Variants in FUNDC2 observed in about 807,000 individuals in gnomAD.
FUNDC2 encodes FUN14 domain-containing protein 2.
FUNDC2 carries 4 observed loss-of-function variants against 15.6 expected under a neutral mutation model. The ratio of observed to expected loss-of-function variants is 0.26; its 90% CI spans 0.13 to 0.59. The LOEUF (loss-of-function observed/expected upper bound fraction) is 0.59. FUNDC2 is among the 20% of genes least tolerant of loss of function. The probability of loss-of-function intolerance (pLI) is 0.90; values close to 1 mark genes in which losing one functional copy is unlikely to be tolerated. For missense variants in FUNDC2, 98 were observed against 149.7 expected, an observed-to-expected ratio of 0.65 and a Z score of 1.80; for synonymous variants, 44 against 56.9, an observed-to-expected ratio of 0.77 and a Z score of 1.02.
rs1312558759 is a variant in FUNDC2, at chrX:155,057,880, T to G, written c.*3208T>G. The G allele has an allele frequency of 9.0e-6, 1 of 111,706 alleles. No individual in the cohort carries two copies. The highest frequency in any genetic ancestry group is 3.3e-5 in the African/African-American group (1 of 30,625). 9.2% of individuals were successfully genotyped at this position (111,706 alleles called of 1,213,427 possible). A position where few individuals can be genotyped will look rare whatever the true frequency, so the allele number is the denominator to read the frequency against. ...CCAGGGGCACTTTCTGGCCGCTGCCTGCTCGGGCTCAACAGATGGAGTCCA... is the reference window on the plus strand; with the variant it reads ...CCAGGGGCACTTTCTGGCCGCTGCCGGCTCGGGCTCAACAGATGGAGTCCA... On this transcript the variant is annotated 3_prime_UTR_variant, in exon 5 of 5. Transcript: ENST00000369498.
At chrX:155,037,961 T>A (rs782120071) in intron 2 of FUNDC2, among the ~76,000 whole-genome samples, 4 of 110,640 alleles carry the variant, frequency 3.6e-5, no homozygotes, top group Non-Finnish European at 5.7e-5. Flanking sequence ...GTGCAGTGGC[T>A]CACACCTTTA....
chrX:155,033,923 AGAT>A (rs2073823541), intron 2 of FUNDC2, among the ~76,000 whole-genome samples: 1 of 112,680 alleles, frequency 8.9e-6, no homozygotes, highest in African/African-American at 3.2e-5. Context: ...TAGCTATGTC[AGAT>A]GATAACTTAA....
At chrX:155,042,063 C>T (rs1458581100) in intron 2 of FUNDC2, among the ~76,000 whole-genome samples, 12 of 79,340 alleles carry the variant, frequency 1.5e-4, no homozygotes, top group East Asian at 1.1e-3. Flanking sequence ...AGCGAGACTC[C>T]GTCTCAAAAA....
chrX:155,027,167 T>TC (rs1333407865), intron 1 of FUNDC2, 96 bp downstream of exon 1: 1 of 915,720 alleles, frequency 1.1e-6, no homozygotes, highest in Non-Finnish European at 1.4e-6. Context: ...GCGACCGAGC[T>TC]CCCCGGGGAG....
chrX:155,051,905 C>CAAAG, intron 4 of FUNDC2, 104 bp downstream of exon 4: 1 of 828,459 alleles, frequency 1.2e-6, no homozygotes, highest in Non-Finnish European at 1.7e-6. Flanking sequence ...TTAAGCATTA[C>CAAAG]AAAGAACTTA....
intron 4 of FUNDC2, chrX:155,054,320 T>G (rs2073887312): frequency 1.3e-6 from 1 of 753,924 alleles, no homozygotes; most frequent in African/African-American, 2.3e-5. Flanking sequence ...AAAGAGCCAT[T>G]GTCTCTACCT....
Position 155,055,181 on chromosome X carries a change from A to T in FUNDC2, c.*509A>T, listed in dbSNP as rs2073890287. On this transcript the variant is annotated 3_prime_UTR_variant, in exon 5 of 5. Coordinates refer to ENST00000369498, the MANE Select transcript of FUNDC2 (RefSeq NM_023934.4). ...TTACAGAAAGCTATTTAAATGTGTTATAATTATGCCGACAAAATTGGCAGC... is the reference window on the plus strand; with the variant it reads ...TTACAGAAAGCTATTTAAATGTGTTTTAATTATGCCGACAAAATTGGCAGC... The T allele has an allele frequency of 3.4e-6, 1 of 296,658 alleles. No individual in the cohort carries two copies. The highest frequency in any genetic ancestry group is 6.1e-5 in the Admixed American group (1 of 16,403). 24.4% of individuals were successfully genotyped at this position (296,658 alleles called of 1,213,427 possible). A position where few individuals can be genotyped will look rare whatever the true frequency, so the allele number is the denominator to read the frequency against.
intron 4 of FUNDC2, among the ~76,000 whole-genome samples, chrX:155,053,264 T>C (rs962256018): frequency 8.9e-6 from 1 of 112,301 alleles, no homozygotes; most frequent in Non-Finnish European, 1.9e-5. Context: ...GGGAGTTTGT[T>C]ATAAAGTAAC....
At chrX:155,047,481 G>C in intron 3 of FUNDC2, 1 of 339,157 alleles carries the variant, frequency 2.9e-6, no homozygotes, top group East Asian at 9.7e-5. Flanking sequence ...GCTGGTAACT[G>C]GCTGTAGCTG....
chrX:155,053,584 G>C (rs2073885054), intron 4 of FUNDC2, among the ~76,000 whole-genome samples: 1 of 111,663 alleles, frequency 9.0e-6, no homozygotes, highest in East Asian at 2.8e-4. Context: ...AGGTCCAGGA[G>C]AGATGGAGGA....
In FUNDC2 at chrX:155,057,027, AGGTTGGCCTCATCCTGCTAGT is replaced by A. The variant is rs1184094973; in HGVS notation, c.*2356_*2376del. 1.1e-4 allele frequency: 11 copies of A among 99,851 alleles called. No homozygotes were observed. The highest frequency in any genetic ancestry group is 4.0e-4 in the African/African-American group (11 of 27,171). 8.2% of individuals were successfully genotyped at this position (99,851 alleles called of 1,213,427 possible). A position where few individuals can be genotyped will look rare whatever the true frequency, so the allele number is the denominator to read the frequency against. On this transcript the variant is annotated 3_prime_UTR_variant, in exon 5 of 5. Coordinates refer to ENST00000369498, the MANE Select transcript of FUNDC2 (RefSeq NM_023934.4). ...GGGTCATGGTTGAGGTCAGTATTGC[AGGTTGGCCTCATCCTGCTAGT>A]ATGAGAACGGCTGTGAGTTCTGCCC...
chrX:155,028,149 T>C (rs2073802234), intron 1 of FUNDC2, among the ~76,000 whole-genome samples: 1 of 97,275 alleles, frequency 1.0e-5, no homozygotes, highest in Non-Finnish European at 1.9e-5. Flanking sequence ...TAGGAAATTG[T>C]TGTGAGAAAT....
intron 4 of FUNDC2, 111 bp downstream of exon 4, chrX:155,051,912 CT>C: frequency 1.3e-6 from 1 of 778,748 alleles, no homozygotes; most frequent in Non-Finnish European, 1.8e-6. Context: ...TTACAAAGAA[CT>C]TAGAGTAATG....
In FUNDC2 at chrX:155,060,149, TAACTC is replaced by T. The variant is rs1296131361; in HGVS notation, c.*5479_*5483del. 8.9e-6 allele frequency: 1 copy of T among 112,389 alleles called. No homozygotes were observed. The highest frequency in any genetic ancestry group is 1.9e-5 in the Non-Finnish European group (1 of 53,307). The allele number at this position is 112,389 out of a possible 1,213,427, so 9.3% of individuals were successfully genotyped here. A position where few individuals can be genotyped will look rare whatever the true frequency, so the allele number is the denominator to read the frequency against. ...TAAAAGAGTCTGAAACTGGAGTAGT[TAACTC>T]AGTAAAAATAACTTGGCAATAAAAC... On this transcript the variant is annotated 3_prime_UTR_variant, in exon 5 of 5. Transcript: ENST00000369498.
rs1557288289 is a variant in FUNDC2, at chrX:155,026,965, A to T, written c.27A>T (p.Gly9=). The change falls in exon 1 of 5, where the codon GGA becomes GGT. Residue 9 remains glycine (G), a synonymous_variant. Coordinates refer to ENST00000369498, the MANE Select transcript of FUNDC2 (RefSeq NM_023934.4). METSAPRA[G]SQVVATTARH... is the part of the protein sequence containing the mutation. ...TGGAAACATCTGCCCCACGTGCCGGAAGCCAAGTGGTGGCGACAACTGCGC... is the reference window on the plus strand; with the variant it reads ...TGGAAACATCTGCCCCACGTGCCGGTAGCCAAGTGGTGGCGACAACTGCGC... 1.7e-6 allele frequency: 2 copies of T among 1,200,137 alleles called. No individual in the cohort carries two copies. The highest frequency in any genetic ancestry group is 6.0e-5 in the East Asian group (2 of 33,397).
At position 155,054,795 on chromosome X, in the gene FUNDC2, G is replaced by C; in HGVS notation, c.*123G>C. The stretch of plus-strand genomic sequence containing the variant: ...CCTTCTTCCCTGCCATGGCAAATCT[G>C]AGTGGCTTCTCTAAGCATCTGCTGG... On this transcript the variant is annotated 3_prime_UTR_variant, in exon 5 of 5. Transcript: ENST00000369498. 6.7e-6 allele frequency: 4 copies of C among 601,176 alleles called. No homozygotes were observed. Among genetic ancestry groups the C allele is most frequent in the Non-Finnish European group, 1.1e-5 (4 of 362,990 alleles). The allele number at this position is 601,176 out of a possible 1,213,427, so 49.5% of individuals were successfully genotyped here. A position where few individuals can be genotyped will look rare whatever the true frequency, so the allele number is the denominator to read the frequency against.
At chrX:155,027,621 C>T (rs983447435) in intron 1 of FUNDC2, among the ~76,000 whole-genome samples, 5 of 112,024 alleles carry the variant, frequency 4.5e-5, no homozygotes, top group Non-Finnish European at 9.4e-5. Context: ...TTAGTACTGA[C>T]TCACGGGATC....
rs1557288274 is a variant in FUNDC2 at position 155,026,933 on chromosome X, G to C, written c.-6G>C. ...CGGCCCTCCCTCTTCCGCTGCCGCC[G>C]TGGGAATGGAAACATCTGCCCCACG... On this transcript the variant is annotated 5_prime_UTR_variant, in exon 1 of 5. Coordinates refer to ENST00000369498, the MANE Select transcript of FUNDC2 (RefSeq NM_023934.4). 8.4e-7 allele frequency: 1 copy of C among 1,186,324 alleles called. No homozygotes were observed. Among genetic ancestry groups the C allele is most frequent in the Non-Finnish European group, 1.1e-6 (1 of 885,558 alleles).
At position 155,058,372 on chromosome X, in the gene FUNDC2, T is replaced by G. The variant is rs896805516; in HGVS notation, c.*3700T>G. The G allele has an allele frequency of 2.7e-5, 3 of 112,040 alleles. No individual in the cohort carries two copies. Among genetic ancestry groups the G allele is most frequent in the Admixed American group, 9.4e-5 (1 of 10,601 alleles). 9.2% of individuals were successfully genotyped at this position (112,040 alleles called of 1,213,427 possible). On this transcript the variant is annotated 3_prime_UTR_variant, in exon 5 of 5. Transcript: ENST00000369498. ...CTCCATCATTCTTTTGTTTCACGGTTGTCAGAAAGATGGGCATAACTAATG... is the reference window on the plus strand; with the variant it reads ...CTCCATCATTCTTTTGTTTCACGGTGGTCAGAAAGATGGGCATAACTAATG...
Sources: gnomAD v4.1 joint callset for allele counts (sites outside exome capture counted in the v4.1 genomes callset) on GRCh38, gnomAD v4.1.1 for gene constraint, MANE v1.5 for transcripts, NCBI Gene and HGNC (gene_info 2026-07-23, HGNC 2026-07-21) for gene names.